RBFOX1: variants seen among roughly 807,000 people sequenced by gnomAD.
The protein encoded by RBFOX1 is RNA binding protein fox-1 homolog 1.
A neutral mutation model predicts 57.7 loss-of-function variants in RBFOX1; 8 were observed. The ratio of observed to expected loss-of-function variants is 0.14; its 90% confidence interval spans 0.08 to 0.25. RBFOX1 has a LOEUF of 0.25. RBFOX1 is among the 10% of genes least tolerant of loss of function. The pLI is 1.00. For missense variants in RBFOX1, 611 were observed against 548.5 expected, an observed-to-expected ratio of 1.11 and a Z score of -1.14; for synonymous variants, 326 against 222.4, an observed-to-expected ratio of 1.47 and a Z score of -4.15.
intron 4 of RBFOX1, among the ~76,000 whole-genome samples, chr16:7,074,894 C>T (rs1386613742): frequency 6.6e-6 from 1 of 152,028 alleles, no homozygotes; most frequent in Admixed American, 6.6e-5. Flanking sequence ...TTCTCTAAAG[C>T]CATCCCCCAG....
At chr16:7,511,976 C>A (rs1266833800) in intron 4 of RBFOX1, among the ~76,000 whole-genome samples, 1 of 152,152 alleles carries the variant, frequency 6.6e-6, no homozygotes, top group Non-Finnish European at 1.5e-5. Context: ...GCAAAAGCTC[C>A]TGAAGCATTT....
At chr16:7,133,903 A>G (rs931341560) in intron 4 of RBFOX1, among the ~76,000 whole-genome samples, 7 of 152,216 alleles carry the variant, frequency 4.6e-5, no homozygotes. Flanking sequence ...GAAAAACAAC[A>G]TCAGTTCCAA....
intron 4 of RBFOX1, among the ~76,000 whole-genome samples, chr16:7,112,326 C>G (rs1349662093): frequency 6.6e-6 from 1 of 151,782 alleles, no homozygotes; most frequent in East Asian, 1.9e-4. Flanking sequence ...CCTCAGACTC[C>G]AAAGTATCTG....
intron 4 of RBFOX1, among the ~76,000 whole-genome samples, chr16:5,920,565 C>G (rs1015841748): frequency 6.6e-6 from 1 of 152,140 alleles, no homozygotes; most frequent in Non-Finnish European, 1.5e-5. Flanking sequence ...ACCTGGCTCC[C>G]TAGTCTCAAG....
At chr16:5,455,694 G>T (rs2068609522) in intron 1 of RBFOX1, among the ~76,000 whole-genome samples, 1 of 152,102 alleles carries the variant, frequency 6.6e-6, no homozygotes, top group African/African-American at 2.4e-5. Context: ...AACATAGACA[G>T]GCAGCCCTTT....
chr16:5,444,290 T>C (rs935985243), intron 1 of RBFOX1, among the ~76,000 whole-genome samples: 5 of 152,218 alleles, frequency 3.3e-5, no homozygotes, highest in African/African-American at 9.7e-5. Flanking sequence ...GATGACCTCA[T>C]TGCAACATTT....
At chr16:5,700,367 C>T (rs554449196) in intron 3 of RBFOX1, among the ~76,000 whole-genome samples, 2 of 151,556 alleles carry the variant, frequency 1.3e-5, no homozygotes, top group South Asian at 2.1e-4. Context: ...CTTTGTATTG[C>T]CTTCTCTCTG....
At chr16:6,295,701 A>G (rs2078021393) in intron 1 of RBFOX1, among the ~76,000 whole-genome samples, 2 of 152,196 alleles carry the variant, frequency 1.3e-5, no homozygotes, top group South Asian at 4.1e-4. Flanking sequence ...GTGATGCTGA[A>G]GGTACCATTA....
At chr16:5,916,006 C>G (rs372688777) in intron 4 of RBFOX1, among the ~76,000 whole-genome samples, 1 of 152,180 alleles carries the variant, frequency 6.6e-6, no homozygotes, top group Non-Finnish European at 1.5e-5. Context: ...TCTTATTTCT[C>G]CAGCCTTCAC....
At chr16:7,475,550 G>A (rs983657732) in intron 4 of RBFOX1, among the ~76,000 whole-genome samples, 5 of 152,116 alleles carry the variant, frequency 3.3e-5, no homozygotes, top group African/African-American at 1.2e-4. Flanking sequence ...TCCTGACCTC[G>A]TGATCACCCA....
chr16:7,655,774 A>G (rs1483471345), intron 12 of RBFOX1, among the ~76,000 whole-genome samples: 1 of 152,218 alleles, frequency 6.6e-6, no homozygotes, highest in Non-Finnish European at 1.5e-5. Context: ...TACCATCAGT[A>G]TCTCACTACT....
At chr16:5,558,016 G>A (rs889635743) in intron 2 of RBFOX1, among the ~76,000 whole-genome samples, 3 of 152,134 alleles carry the variant, frequency 2.0e-5, no homozygotes, top group Non-Finnish European at 2.9e-5. Flanking sequence ...GCCACTGGGC[G>A]GCCCAACTCC....
At chr16:5,676,811 G>A (rs150036157) in intron 3 of RBFOX1, among the ~76,000 whole-genome samples, 4 of 152,140 alleles carry the variant, frequency 2.6e-5, no homozygotes, top group African/African-American at 4.8e-5. Flanking sequence ...GCAGTGATCC[G>A]AGATTGTACC....
chr16:6,333,354 T>G (rs2083269002), intron 2 of RBFOX1, among the ~76,000 whole-genome samples: 1 of 152,180 alleles, frequency 6.6e-6, no homozygotes, highest in Admixed American at 6.5e-5. Flanking sequence ...CAGACATTCT[T>G]TCCTTTGCTA....
chr16:6,158,524 T>C (rs555521585), intron 1 of RBFOX1, among the ~76,000 whole-genome samples: 1 of 152,356 alleles, frequency 6.6e-6, no homozygotes, highest in Admixed American at 6.5e-5. Flanking sequence ...TGATTGCCTT[T>C]CAGTGAAACT....
chr16:7,274,989 C>T (rs1032197121), intron 4 of RBFOX1, among the ~76,000 whole-genome samples: 2 of 152,136 alleles, frequency 1.3e-5, no homozygotes, highest in Admixed American at 6.6e-5. Context: ...TGCCCAAAAG[C>T]ATTAGCTTCT....
At chr16:6,566,539 G>A (rs1462998694) in intron 2 of RBFOX1, among the ~76,000 whole-genome samples, 1 of 152,144 alleles carries the variant, frequency 6.6e-6, no homozygotes, top group African/African-American at 2.4e-5. Flanking sequence ...ACCATAGGCT[G>A]CTTATCCCTT....
At chr16:5,637,615 T>C (rs1049201572) in intron 3 of RBFOX1, among the ~76,000 whole-genome samples, 4 of 152,252 alleles carry the variant, frequency 2.6e-5, no homozygotes, top group Non-Finnish European at 4.4e-5. Context: ...AGTTACCCTT[T>C]TGTGCCTTGG....
At chr16:5,445,231 T>A (rs1392915275) in intron 1 of RBFOX1, among the ~76,000 whole-genome samples, 7 of 152,172 alleles carry the variant, frequency 4.6e-5, no homozygotes, top group African/African-American at 1.7e-4. Context: ...GGGACTAATA[T>A]GACAAATATT....
Sources: gnomAD v4.1 joint callset for allele counts (sites outside exome capture counted in the v4.1 genomes callset) on GRCh38, gnomAD v4.1.1 for gene constraint, MANE v1.5 for transcripts, NCBI Gene and HGNC (gene_info 2026-07-23, HGNC 2026-07-21) for gene names.